Variants in DNM3 observed in about 807,000 individuals in gnomAD.
DNM3 encodes the protein dynamin 3.
DNM3 carries 47 observed loss-of-function variants against 101.6 expected under a neutral mutation model. The observed-to-expected ratio is 0.46, with a 90% CI of 0.37 to 0.59. DNM3 has a LOEUF of 0.59. Ranked by LOEUF, DNM3 falls within the 20% of genes least tolerant of loss-of-function variation. DNM3 has a pLI of 0.00. For synonymous variants in DNM3, 385 were observed against 387.9 expected (o/e 0.99, Z 0.09); for missense variants, 849 against 1,085.7 (o/e 0.78, Z 3.06).
At chr1:171,967,503 A>G (rs1263489157) in intron 2 of DNM3, among the ~76,000 whole-genome samples, 2 of 152,026 alleles carry the variant, frequency 1.3e-5, no homozygotes, top group African/African-American at 4.8e-5. Context: ...TATTTTCCCA[A>G]GAAGAAGAGG....
intron 16 of DNM3, among the ~76,000 whole-genome samples, chr1:172,317,583 AACTACCATCAGAGAAT>A (rs1208679220): frequency 6.6e-6 from 1 of 152,200 alleles, no homozygotes; most frequent in Non-Finnish European, 1.5e-5. Context: ...CAGAAATACA[AACTACCATCAGAGAAT>A]ACTACCAACA....
intron 15 of DNM3, among the ~76,000 whole-genome samples, chr1:172,253,947 T>A (rs941845115): frequency 2.6e-5 from 4 of 152,146 alleles, no homozygotes; most frequent in Non-Finnish European, 5.9e-5. Context: ...TCATCCATTT[T>A]TTTTTTCTTT....
At chr1:172,018,183 A>G (rs1479836298) in intron 4 of DNM3, among the ~76,000 whole-genome samples, 1 of 152,064 alleles carries the variant, frequency 6.6e-6, no homozygotes, top group Non-Finnish European at 1.5e-5. Context: ...GTGCATTTAG[A>G]CCATTGACAT....
chr1:171,875,609 C>T (rs1364492710), intron 1 of DNM3, among the ~76,000 whole-genome samples: 1 of 152,102 alleles, frequency 6.6e-6, no homozygotes, highest in African/African-American at 2.4e-5. Context: ...CACCTTGCCA[C>T]TTACTACCTG....
In DNM3 at chr1:172,258,250, CG is replaced by C. The variant is rs368415439; in HGVS notation, c.1769+4569del. 4.3e-4 allele frequency among the ~76,000 whole-genome samples: 65 copies of C among 152,080 alleles called. No individual in the cohort carries two copies. In the Middle Eastern group the frequency reaches 0.014, roughly 32 times the overall value. Reference sequence around the variant, plus strand: ...AATAGTACTACAATAAACATGGGAGCGCGTGTGTCTCTTTGATATACTGATT... The same window carrying C: ...AATAGTACTACAATAAACATGGGAGCCGTGTGTCTCTTTGATATACTGATT... On this transcript the variant is annotated intron_variant, in intron 15 of 20. Transcript: ENST00000627582.
intron 14 of DNM3, among the ~76,000 whole-genome samples, chr1:172,247,000 C>T (rs143824602): frequency 8.3e-4 from 127 of 152,260 alleles, no homozygotes; most frequent in African/African-American, 2.6e-3. Flanking sequence ...TAATTGAATA[C>T]TCCATGGTAT....
At chr1:171,924,435 G>A (rs1193783335) in intron 2 of DNM3, among the ~76,000 whole-genome samples, 2 of 152,168 alleles carry the variant, frequency 1.3e-5, no homozygotes, top group East Asian at 3.8e-4. Flanking sequence ...AAAGAAAGAG[G>A]TTTCATTGAC....
intron 14 of DNM3, among the ~76,000 whole-genome samples, chr1:172,167,275 T>G (rs1362518867): frequency 6.6e-6 from 1 of 152,140 alleles, no homozygotes; most frequent in Non-Finnish European, 1.5e-5. Flanking sequence ...CTGCATAGTA[T>G]TCCATGGTGT....
At position 172,043,246 on chromosome 1, in the gene DNM3, CT is replaced by C. The variant is rs1015624333; in HGVS notation, c.1128+1105del. On this transcript the variant is annotated intron_variant, in intron 8 of 20. Coordinates refer to ENST00000627582, the MANE Select transcript of DNM3 (RefSeq NM_015569.5). ...TTTGAGATGACTTCCAAGGTTTTGG[CT>C]TTCACAGCTGAGGGAGTGGTAGTGC... Among the ~76,000 whole-genome samples the C allele has an allele frequency of 4.8e-4, 73 of 152,082 alleles. 1 individual carries two copies. Among genetic ancestry groups the C allele is most frequent in the Admixed American group, 1.4e-3 (22 of 15,258 alleles).
At position 172,015,153 on chromosome 1, in the gene DNM3, A is replaced by G. The variant is rs180883782; in HGVS notation, c.590-17249A>G. The stretch of plus-strand genomic sequence containing the variant: ...ACATGTCTATTCTTTCACTAGTACT[A>G]CACTGTGTTGATTACTGCAGCTTTA... On this transcript the variant is annotated intron_variant, in intron 4 of 20. Transcript: ENST00000627582. Among the ~76,000 whole-genome samples, 4 of 152,270 alleles carry G rather than the reference A, an allele frequency of 2.6e-5. No homozygotes were observed. In the East Asian group the frequency reaches 7.7e-4, roughly 29 times the overall value.
rs2071071197 is a variant in DNM3 at position 172,409,055 on chromosome 1, A to AT, written c.*1217dup. On this transcript the variant is annotated 3_prime_UTR_variant, in exon 21 of 21. Coordinates refer to ENST00000627582, the MANE Select transcript of DNM3 (RefSeq NM_015569.5). Reference sequence around the variant, plus strand: ...TTTGCAATTTCTTAAGATTTCTAAAATTTACCAGAACAGTTTAGCCTGGGG... The same window carrying AT: ...TTTGCAATTTCTTAAGATTTCTAAAATTTTACCAGAACAGTTTAGCCTGGGG... 5 of 985,268 alleles carry AT rather than the reference A, an allele frequency of 5.1e-6. No homozygotes were observed. Among genetic ancestry groups the AT allele is most frequent in the Non-Finnish European group, 6.0e-6 (5 of 829,886 alleles). The allele number at this position is 985,268 out of a possible 1,614,324, so 61.0% of individuals were successfully genotyped here. A position where few individuals can be genotyped will look rare whatever the true frequency, so the allele number is the denominator to read the frequency against.
intron 10 of DNM3, among the ~76,000 whole-genome samples, chr1:172,062,180 T>TA (rs1366950020): frequency 6.6e-6 from 1 of 152,184 alleles, no homozygotes; most frequent in African/African-American, 2.4e-5. Context: ...GTTGTGAAGT[T>TA]TTTTTCCATT....
At chr1:172,116,293 C>T (rs1217653648) in intron 13 of DNM3, among the ~76,000 whole-genome samples, 1 of 152,204 alleles carries the variant, frequency 6.6e-6, no homozygotes, top group Non-Finnish European at 1.5e-5. Context: ...TTTTCACACA[C>T]ATATGATCAT....
At chr1:171,958,666 C>G (rs1411601708) in intron 2 of DNM3, among the ~76,000 whole-genome samples, 1 of 152,016 alleles carries the variant, frequency 6.6e-6, no homozygotes, top group Non-Finnish European at 1.5e-5. Flanking sequence ...TGGAACATGG[C>G]AAGATTTGGG....
At chr1:172,048,841 C>A in intron 10 of DNM3, 91 bp downstream of exon 10, 1 of 1,464,724 alleles carries the variant, frequency 6.8e-7, no homozygotes, top group Non-Finnish European at 9.3e-7. Flanking sequence ...CTGACCCTCA[C>A]TTTGTTATAG....
chr1:172,087,979 A>G (rs1420908507), intron 12 of DNM3, among the ~76,000 whole-genome samples: 3 of 152,202 alleles, frequency 2.0e-5, no homozygotes, highest in African/African-American at 7.2e-5. Flanking sequence ...TTGCTTTAAC[A>G]CATGCCTATG....
intron 14 of DNM3, among the ~76,000 whole-genome samples, chr1:172,232,142 C>A (rs1016607560): frequency 5.9e-5 from 9 of 152,024 alleles, no homozygotes; most frequent in African/African-American, 1.9e-4. Context: ...ATCAGGAAAC[C>A]CATCTCACAT....
chr1:172,385,088 C>G (rs1455199200), intron 18 of DNM3, among the ~76,000 whole-genome samples: 1 of 152,174 alleles, frequency 6.6e-6, no homozygotes, highest in East Asian at 1.9e-4. Flanking sequence ...TTTGGTTGTT[C>G]CTTTCTTCCT....
intron 11 of DNM3, among the ~76,000 whole-genome samples, chr1:172,078,072 T>C (rs1490970904): frequency 6.6e-6 from 1 of 152,084 alleles, no homozygotes; most frequent in Non-Finnish European, 1.5e-5. Flanking sequence ...CTTTGTCTTT[T>C]TGGGTCTTTG....
Sources: allele counts gnomAD v4.1 joint callset (sites outside exome capture counted in the v4.1 genomes callset), GRCh38; gene constraint gnomAD v4.1.1; transcripts MANE v1.5; gene names NCBI Gene and HGNC (gene_info 2026-07-23, HGNC 2026-07-21).